GLIS1: variants seen among roughly 807,000 people sequenced by gnomAD.
GLIS1 encodes GLIS family zinc finger 1, also known as zinc finger protein GLIS1.
GLIS1 carries 24 observed loss-of-function variants against 63.8 expected under a neutral mutation model. The observed-to-expected ratio is 0.38, with a 90% CI of 0.27 to 0.53. The LOEUF (loss-of-function observed/expected upper bound fraction) is 0.53, where lower values mean the gene tolerates loss of function less well. GLIS1 is among the 20% of genes least tolerant of loss of function. GLIS1 has a pLI of 0.85. For synonymous variants in GLIS1, 450 were observed against 482.5 expected (o/e 0.93, Z 0.88); for missense variants, 1,036 against 1,074.1 (o/e 0.96, Z 0.50).
chr1:53,542,191 C>CG (rs1296834185), intron 4 of GLIS1, among the ~76,000 whole-genome samples: 1 of 152,174 alleles, frequency 6.6e-6, no homozygotes, highest in African/African-American at 2.4e-5. Context: ...TGATGGGCCT[C>CG]GGTTTTCATC....
At chr1:53,734,482 G>A (rs757830802) in intron 2 of GLIS1, among the ~76,000 whole-genome samples, 1 of 152,206 alleles carries the variant, frequency 6.6e-6, no homozygotes, top group Non-Finnish European at 1.5e-5. Context: ...TGTGGAACCA[G>A]AATCAAATAT....
intron 4 of GLIS1, among the ~76,000 whole-genome samples, chr1:53,586,930 T>A (rs951915474): frequency 2.0e-5 from 3 of 151,954 alleles, no homozygotes; most frequent in East Asian, 3.9e-4. Flanking sequence ...CTGAAGGGCA[T>A]GTGGTCCCCC....
At chr1:53,579,637 G>T (rs1314980273) in intron 4 of GLIS1, among the ~76,000 whole-genome samples, 1 of 152,232 alleles carries the variant, frequency 6.6e-6, no homozygotes, top group African/African-American at 2.4e-5. Context: ...GCTGGAAGCA[G>T]CCCTCACTCC....
intron 2 of GLIS1, among the ~76,000 whole-genome samples, chr1:53,720,379 G>C (rs1570101444): frequency 6.6e-6 from 1 of 152,092 alleles, no homozygotes; most frequent in East Asian, 1.9e-4. Flanking sequence ...TGTGTTAAAT[G>C]AAACAAGCCA....
rs576549993 is a variant in GLIS1 at position 53,518,051 on chromosome 1, C to T, written c.1726+2583G>A. Among the ~76,000 whole-genome samples the T allele has an allele frequency of 3.9e-5, 6 of 152,370 alleles. No individual in the cohort carries two copies. The South Asian group carries it at 6.2e-4, about 16-fold the overall frequency. On this transcript the variant is annotated intron_variant, in intron 7 of 10. Coordinates refer to ENST00000628545, the MANE Select transcript of GLIS1 (RefSeq NM_001367484.1). Reference sequence around the variant, plus strand: ...TCAATCATCAGCCGTGAGCGCTTAACCTCTGGCCCTAACATCTGTTCCCTT... The same window carrying T: ...TCAATCATCAGCCGTGAGCGCTTAATCTCTGGCCCTAACATCTGTTCCCTT...
At chr1:53,693,162 G>A (rs563302789) in intron 2 of GLIS1, among the ~76,000 whole-genome samples, 63 of 152,304 alleles carry the variant, frequency 4.1e-4, no homozygotes, top group African/African-American at 1.4e-3. Context: ...TACACGCACT[G>A]TTTCATAATT....
In GLIS1 at chr1:53,544,217, A is replaced by G. The variant is rs149306422; in HGVS notation, c.1321-14265T>C. Among the ~76,000 whole-genome samples the G allele has an allele frequency of 1.1e-3, 171 of 152,366 alleles. 2 individuals carry two copies. The East Asian group carries it at 0.026, about 23-fold the overall frequency. Reference sequence around the variant, plus strand: ...ACCGCTCGGCTATGACCTGGGCACCAATAATTTACAGAAAATAGATCACTG... The same window carrying G: ...ACCGCTCGGCTATGACCTGGGCACCGATAATTTACAGAAAATAGATCACTG... On this transcript the variant is annotated intron_variant, in intron 4 of 10. Coordinates refer to ENST00000628545, the MANE Select transcript of GLIS1 (RefSeq NM_001367484.1).
At chr1:53,567,991 G>T (rs982225873) in intron 4 of GLIS1, among the ~76,000 whole-genome samples, 1 of 152,236 alleles carries the variant, frequency 6.6e-6, no homozygotes, top group African/African-American at 2.4e-5. Context: ...AGCCCCCCTT[G>T]GGCCTATGAG....
intron 4 of GLIS1, among the ~76,000 whole-genome samples, chr1:53,545,476 C>T (rs1297489422): frequency 6.6e-6 from 1 of 152,158 alleles, no homozygotes; most frequent in Non-Finnish European, 1.5e-5. Flanking sequence ...CTGTTCATAG[C>T]CAGACACCCA....
chr1:53,738,685 C>T (rs1646937501), intron 1 of GLIS1, among the ~76,000 whole-genome samples: 1 of 152,218 alleles, frequency 6.6e-6, no homozygotes, highest in Non-Finnish European at 1.5e-5. Context: ...GCGCTGAATC[C>T]TGCGACGCGA....
chr1:53,596,622 C>A (rs928224222), intron 3 of GLIS1, among the ~76,000 whole-genome samples: 16 of 152,182 alleles, frequency 1.1e-4, no homozygotes, highest in Non-Finnish European at 2.2e-4. Flanking sequence ...TGTCTTGGGG[C>A]TCTCTGCAGC....
At chr1:53,667,254 A>AC (rs1436523374) in intron 2 of GLIS1, among the ~76,000 whole-genome samples, 1 of 152,120 alleles carries the variant, frequency 6.6e-6, no homozygotes, top group Non-Finnish European at 1.5e-5. Flanking sequence ...AGGTGTATCA[A>AC]CCCAAAGCTC....
At chr1:53,610,277 A>C (rs1330189331) in intron 2 of GLIS1, among the ~76,000 whole-genome samples, 1 of 152,240 alleles carries the variant, frequency 6.6e-6, no homozygotes, top group Non-Finnish European at 1.5e-5. Context: ...ATTTAAAAAA[A>C]TACTTTCCCT....
intron 2 of GLIS1, among the ~76,000 whole-genome samples, chr1:53,641,796 G>T (rs780411817): frequency 6.6e-6 from 1 of 152,172 alleles, no homozygotes; most frequent in Non-Finnish European, 1.5e-5. Flanking sequence ...GGGAAGGAAC[G>T]GTCCATCTGT....
At chr1:53,703,571 C>G (rs187292548) in intron 2 of GLIS1, among the ~76,000 whole-genome samples, 1 of 146,952 alleles carries the variant, frequency 6.8e-6, no homozygotes, top group Admixed American at 6.9e-5. Context: ...CCCAGGATTT[C>G]AAGGCTACAG....
At chr1:53,682,102 C>T (rs920791870) in intron 2 of GLIS1, among the ~76,000 whole-genome samples, 9 of 152,226 alleles carry the variant, frequency 5.9e-5, no homozygotes, top group African/African-American at 1.4e-4. Flanking sequence ...ATCTGGCCAG[C>T]GGGGGCCGTT....
chr1:53,703,941 G>T (rs926842162), intron 2 of GLIS1, among the ~76,000 whole-genome samples: 1 of 152,186 alleles, frequency 6.6e-6, no homozygotes, highest in Non-Finnish European at 1.5e-5. Flanking sequence ...AGGGCAGGGG[G>T]AAGCACTCCT....
chr1:53,532,042 C>T (rs1334131793), intron 4 of GLIS1, among the ~76,000 whole-genome samples: 1 of 152,126 alleles, frequency 6.6e-6, no homozygotes, highest in Non-Finnish European at 1.5e-5. Flanking sequence ...GTGGGCTGGG[C>T]TCTACTGGGC....
intron 2 of GLIS1, among the ~76,000 whole-genome samples, chr1:53,715,047 T>C (rs763337124): frequency 2.6e-5 from 4 of 152,152 alleles, no homozygotes; most frequent in Non-Finnish European, 4.4e-5. Context: ...CTCCCAAGTA[T>C]TAGGGACTAC....
Sources: allele counts gnomAD v4.1 joint callset (sites outside exome capture counted in the v4.1 genomes callset), GRCh38; gene constraint gnomAD v4.1.1; transcripts MANE v1.5; gene names NCBI Gene and HGNC (gene_info 2026-07-23, HGNC 2026-07-21).